Variants in KHDRBS2 observed in about 807,000 individuals in gnomAD.
The protein encoded by KHDRBS2 is KH RNA binding domain containing, signal transduction associated 2, also known as KH domain-containing, RNA-binding, signal transduction-associated protein 2.
KHDRBS2 carries 26 observed loss-of-function variants against 44.3 expected under a neutral mutation model. The ratio of observed to expected loss-of-function variants is 0.59; its 90% confidence interval spans 0.43 to 0.81. The LOEUF (loss-of-function observed/expected upper bound fraction) is 0.81, where lower values mean the gene tolerates loss of function less well. Among genes scored for constraint, KHDRBS2 ranks in the 40% least tolerant of loss-of-function variants. KHDRBS2 has a pLI of 0.00. For synonymous variants in KHDRBS2, 194 were observed against 151.1 expected, an observed-to-expected ratio of 1.28 and a Z score of -2.08; for missense variants, 476 against 433.1, an observed-to-expected ratio of 1.10 and a Z score of -0.88.
At position 61,927,040 on chromosome 6, in the gene KHDRBS2, C is replaced by T. The variant is rs147379903; in HGVS notation, c.484-25669G>A. 2.9e-3 allele frequency among the ~76,000 whole-genome samples: 442 copies of T among 151,924 alleles called. 3 individuals are homozygous for T. The highest frequency in any genetic ancestry group is 4.7e-3 in the Non-Finnish European group (321 of 67,976). On this transcript the variant is annotated intron_variant, in intron 4 of 8. Transcript: ENST00000281156. Reference sequence around the variant, plus strand: ...TATCCAGGAGCAGGGTCTGATTGACCCTATGTCACTCAGAAGAAACTGCCT... The same window carrying T: ...TATCCAGGAGCAGGGTCTGATTGACTCTATGTCACTCAGAAGAAACTGCCT...
chr6:62,008,243 C>A (rs1260502514), intron 3 of KHDRBS2, among the ~76,000 whole-genome samples: 1 of 151,952 alleles, frequency 6.6e-6, no homozygotes, highest in East Asian at 1.9e-4. Context: ...TAAAAAGTAC[C>A]AAGTGCTTAG....
chr6:62,075,661 A>G (rs999005579), intron 2 of KHDRBS2, among the ~76,000 whole-genome samples: 3 of 151,906 alleles, frequency 2.0e-5, no homozygotes, highest in East Asian at 3.9e-4. Flanking sequence ...TGTAGCTGGC[A>G]TAAGTTTTTT....
At chr6:61,771,152 C>T (rs1215900845) in intron 6 of KHDRBS2, among the ~76,000 whole-genome samples, 1 of 152,124 alleles carries the variant, frequency 6.6e-6, no homozygotes, top group Non-Finnish European at 1.5e-5. Context: ...ATTTTGTCAC[C>T]ACCAGGCCTG....
intron 3 of KHDRBS2, among the ~76,000 whole-genome samples, chr6:61,983,529 G>A (rs1414588583): frequency 2.0e-5 from 3 of 151,966 alleles, no homozygotes; most frequent in Non-Finnish European, 2.9e-5. Context: ...TGGGGACCTC[G>A]AGAAGAGAGG....
chr6:62,230,426 C>A (rs1832711751), intron 1 of KHDRBS2, among the ~76,000 whole-genome samples: 1 of 152,086 alleles, frequency 6.6e-6, no homozygotes, highest in Non-Finnish European at 1.5e-5. Flanking sequence ...CTCCAAGATT[C>A]ATCTTGGACA....
intron 2 of KHDRBS2, among the ~76,000 whole-genome samples, chr6:62,116,190 T>C (rs1325708086): frequency 6.6e-6 from 1 of 152,148 alleles, no homozygotes; most frequent in Non-Finnish European, 1.5e-5. Flanking sequence ...ATATGTATTA[T>C]TTTTGTGGTA....
At chr6:61,580,516 T>C in the KHDRBS2 span, among the ~76,000 whole-genome samples, 2 of 152,182 alleles carry the variant, frequency 1.3e-5, no homozygotes, top group Admixed American at 1.3e-4. Context: ...ATCTTGCTGC[T>C]GCTTACTCTT....
At chr6:61,687,072 TACA>T in intron 8 of KHDRBS2, among the ~76,000 whole-genome samples, 2 of 151,898 alleles carry the variant, frequency 1.3e-5, no homozygotes, top group Middle Eastern at 6.8e-3. Context: ...ATTTCAACTG[TACA>T]ACATGTATTC....
chr6:61,841,472 T>C (rs1793599132), intron 6 of KHDRBS2, among the ~76,000 whole-genome samples: 1 of 152,314 alleles, frequency 6.6e-6, no homozygotes, highest in African/African-American at 2.4e-5. Context: ...GTAAACAAGA[T>C]GCAGAAGATT....
intron 3 of KHDRBS2, among the ~76,000 whole-genome samples, chr6:61,981,135 T>G (rs1773764145): frequency 6.6e-6 from 1 of 152,194 alleles, no homozygotes; most frequent in Non-Finnish European, 1.5e-5. Context: ...ACTGGAGAGT[T>G]TCTCTTCTCA....
intron 4 of KHDRBS2, among the ~76,000 whole-genome samples, chr6:61,905,854 C>CT (rs10676797): frequency 0.012 from 1,324 of 114,138 alleles, 60 homozygotes; most frequent in East Asian, 0.043. Flanking sequence ...CAAAACTTTT[C>CT]TTTTTTTTTT....
At chr6:62,115,357 A>G (rs1805971816) in intron 2 of KHDRBS2, among the ~76,000 whole-genome samples, 1 of 152,178 alleles carries the variant, frequency 6.6e-6, no homozygotes, top group Non-Finnish European at 1.5e-5. Flanking sequence ...ATATCAGCAT[A>G]GGCTGCTGGA....
chr6:61,559,877 T>C, the KHDRBS2 span, among the ~76,000 whole-genome samples: 258 of 152,344 alleles, frequency 1.7e-3, no homozygotes, highest in Admixed American at 3.1e-3. Context: ...TAACATTCTT[T>C]GTTTTTCTGT....
At chr6:62,207,673 G>A (rs766677164) in intron 1 of KHDRBS2, among the ~76,000 whole-genome samples, 41 of 152,122 alleles carry the variant, frequency 2.7e-4, no homozygotes, top group Non-Finnish European at 5.6e-4. Flanking sequence ...AGCTGCCTTT[G>A]ACATCTGTCA....
At chr6:61,934,170 T>C (rs1810610931) in intron 4 of KHDRBS2, among the ~76,000 whole-genome samples, 1 of 152,176 alleles carries the variant, frequency 6.6e-6, no homozygotes. Flanking sequence ...TGCAGTTGAA[T>C]TGTTTGAGTT....
intron 6 of KHDRBS2, among the ~76,000 whole-genome samples, chr6:61,746,487 CATTCTTTTTTATGGCTGCATAGT>C (rs1229758752): frequency 6.6e-6 from 1 of 151,988 alleles, no homozygotes; most frequent in Non-Finnish European, 1.5e-5. Context: ...GACATGAACT[CATTCTTTTTTATGGCTGCATAGT>C]ATTCTATGGT....
chr6:61,989,251 A>C, intron 3 of KHDRBS2, among the ~76,000 whole-genome samples: 1 of 152,172 alleles, frequency 6.6e-6, no homozygotes, highest in Middle Eastern at 3.2e-3. Context: ...TCAGGAAACC[A>C]TCTCTTTAAA....
chr6:61,846,814 A>G (rs1238677046), intron 6 of KHDRBS2, among the ~76,000 whole-genome samples: 1 of 151,966 alleles, frequency 6.6e-6, no homozygotes, highest in African/African-American at 2.4e-5. Context: ...CCTGATAAGC[A>G]TAGGATATTG....
At chr6:62,132,440 C>T (rs1810544786) in intron 2 of KHDRBS2, among the ~76,000 whole-genome samples, 1 of 152,130 alleles carries the variant, frequency 6.6e-6, no homozygotes, top group African/African-American at 2.4e-5. Flanking sequence ...CCCACTGAAT[C>T]AGAAATTCTA....
Sources: gnomAD v4.1 joint callset for allele counts (sites outside exome capture counted in the v4.1 genomes callset) on GRCh38, gnomAD v4.1.1 for gene constraint, MANE v1.5 for transcripts, NCBI Gene and HGNC (gene_info 2026-07-23, HGNC 2026-07-21) for gene names.